SHISA6: variants seen among roughly 807,000 people sequenced by gnomAD.
The protein encoded by SHISA6 is shisa family member 6, also known as protein shisa-6.
A neutral mutation model predicts 47.9 loss-of-function variants in SHISA6; 22 were observed. The ratio of observed to expected loss-of-function variants is 0.46; its 90% CI spans 0.33 to 0.66. The LOEUF (loss-of-function observed/expected upper bound fraction) is 0.66. SHISA6 is among the 30% of genes least tolerant of loss of function. The pLI, the probability that SHISA6 is intolerant of heterozygous loss-of-function variation, is 0.02. For missense variants in SHISA6, 680 were observed against 764.6 expected (o/e 0.89, Z 1.30); for synonymous variants, 388 against 337.8 (o/e 1.15, Z -1.63).
Position 11,533,223 on chromosome 17 carries a change from T to G in SHISA6, c.896-18673T>G, listed in dbSNP as rs558449007. On this transcript the variant is annotated intron_variant, in intron 3 of 5. Coordinates refer to ENST00000441885, the MANE Select transcript of SHISA6 (RefSeq NM_207386.4). ...ATGGAGACCTCAGAGCTGATTCAGC[T>G]GCCGTTACCTCCCACTTGCATTTCT... 5.9e-5 allele frequency among the ~76,000 whole-genome samples: 9 copies of G among 152,322 alleles called. No homozygotes were observed. In the East Asian group the frequency reaches 1.2e-3, roughly 20 times the overall value.
At chr17:11,481,336 ATGTGTGTGTGTGTG>A (rs3038693) in intron 3 of SHISA6, among the ~76,000 whole-genome samples, 5 of 141,500 alleles carry the variant, frequency 3.5e-5, no homozygotes, top group African/African-American at 5.4e-5. Flanking sequence ...AAAAATATAT[ATGTGTGTGTGTGTG>A]TGTGTGTGTG....
intron 3 of SHISA6, among the ~76,000 whole-genome samples, chr17:11,501,148 T>C (rs2142346948): frequency 6.6e-6 from 1 of 152,092 alleles, no homozygotes; most frequent in African/African-American, 2.4e-5. Flanking sequence ...GTTTTGCTCT[T>C]GTTGCCGAGG....
At position 11,263,363 on chromosome 17, in the gene SHISA6, T is replaced by C; in HGVS notation, c.639-3T>C. Reference sequence around the variant, plus strand: ...CTCATTATGTGATCTCCTCCTTGTTTAGGGCTCTGGCTGACATCTTAAGAC... The same window carrying C: ...CTCATTATGTGATCTCCTCCTTGTTCAGGGCTCTGGCTGACATCTTAAGAC... On this transcript the variant is annotated splice_polypyrimidine_tract_variant and splice_region_variant and intron_variant, in intron 1 of 5. Coordinates refer to ENST00000441885, the MANE Select transcript of SHISA6 (RefSeq NM_207386.4). The C allele has an allele frequency of 6.4e-7, 1 of 1,552,078 alleles. No homozygotes were observed. The highest frequency in any genetic ancestry group is 8.7e-7 in the Non-Finnish European group (1 of 1,147,058).
chr17:11,279,205 A>T (rs1048350852), intron 2 of SHISA6, among the ~76,000 whole-genome samples: 1 of 152,196 alleles, frequency 6.6e-6, no homozygotes, highest in African/African-American at 2.4e-5. Context: ...GCTCCAGGGC[A>T]ACCAGAGAAG....
intron 3 of SHISA6, among the ~76,000 whole-genome samples, chr17:11,502,408 CAAAAAAAAAA>C (rs33980148): frequency 3.8e-4 from 13 of 34,070 alleles, no homozygotes; most frequent in South Asian, 2.4e-3. Context: ...GACTCCGTCT[CAAAAAAAAAA>C]AAAAAAAAAA....
At chr17:11,265,063 A>G (rs1302932458) in intron 2 of SHISA6, among the ~76,000 whole-genome samples, 1 of 152,166 alleles carries the variant, frequency 6.6e-6, no homozygotes, top group African/African-American at 2.4e-5. Context: ...CAATAGAAGG[A>G]ATCTTGGCAA....
At chr17:11,257,368 T>TA (rs1908051930) in intron 1 of SHISA6, among the ~76,000 whole-genome samples, 1 of 152,088 alleles carries the variant, frequency 6.6e-6, no homozygotes, top group Non-Finnish European at 1.5e-5. Context: ...CATTATCAAG[T>TA]AAAAGCACAG....
At chr17:11,429,005 C>T (rs1327340562) in intron 3 of SHISA6, among the ~76,000 whole-genome samples, 1 of 152,020 alleles carries the variant, frequency 6.6e-6, no homozygotes, top group Non-Finnish European at 1.5e-5. Flanking sequence ...AGGATGGTCT[C>T]ATCTGGATCT....
At chr17:11,389,094 G>A (rs779961432) in intron 3 of SHISA6, among the ~76,000 whole-genome samples, 9 of 151,952 alleles carry the variant, frequency 5.9e-5, no homozygotes, top group Non-Finnish European at 1.2e-4. Flanking sequence ...GAGCAGGAGA[G>A]CACTAAGCAC....
chr17:11,246,353 G>C (rs1398164027), intron 1 of SHISA6, among the ~76,000 whole-genome samples: 1 of 152,174 alleles, frequency 6.6e-6, no homozygotes, highest in Non-Finnish European at 1.5e-5. Flanking sequence ...AGCCGGGTGT[G>C]GTGGCATGCG....
chr17:11,281,912 G>T (rs1209563625), intron 2 of SHISA6, among the ~76,000 whole-genome samples: 2 of 152,180 alleles, frequency 1.3e-5, no homozygotes, highest in East Asian at 3.8e-4. Context: ...CTCACACAAA[G>T]CAAGAGTGAC....
At chr17:11,469,938 T>C (rs2142320897) in intron 3 of SHISA6, among the ~76,000 whole-genome samples, 1 of 152,180 alleles carries the variant, frequency 6.6e-6, no homozygotes, top group African/African-American at 2.4e-5. Context: ...TTGAATGAGG[T>C]CATAAGAATG....
intron 3 of SHISA6, among the ~76,000 whole-genome samples, chr17:11,423,255 A>ATATT (rs1555534323): frequency 6.9e-6 from 1 of 144,012 alleles, no homozygotes; most frequent in African/African-American, 2.6e-5. Flanking sequence ...ATATATATAT[A>ATATT]ATATATATAT....
chr17:11,241,901 CGCCGGG>C lies in SHISA6; in HGVS notation c.483_488del (p.Gly162_Pro163del). 6.4e-7 allele frequency: 1 copy of C among 1,551,090 alleles called. No individual in the cohort carries two copies. The highest frequency in any genetic ancestry group is 8.7e-7 in the Non-Finnish European group (1 of 1,147,026). On this transcript the variant is annotated inframe_deletion, in exon 1 of 6. Transcript: ENST00000441885. This position sits in a 1 kb window ranked among gnomAD's most constrained non-coding sequence, Gnocchi z 5.5. ...CAGACGCCCAGCACCAAGGTGGTGT[CGCCGGG>C]GCCCGAGAACAAGTACGACCCGGAG... is the stretch of plus-strand genomic sequence containing the variant.
chr17:11,355,591 A>G (rs1330854067), intron 2 of SHISA6, among the ~76,000 whole-genome samples: 1 of 152,226 alleles, frequency 6.6e-6, no homozygotes, highest in Admixed American at 6.5e-5. Flanking sequence ...CCATGGCAGA[A>G]CAAAACAACT....
At chr17:11,262,844 G>A (rs978269066) in intron 1 of SHISA6, among the ~76,000 whole-genome samples, 4 of 152,126 alleles carry the variant, frequency 2.6e-5, no homozygotes, top group African/African-American at 9.7e-5. Flanking sequence ...TCATCTCTAT[G>A]TCCTGTCTTT....
chr17:11,452,006 C>G (rs1915413747), intron 3 of SHISA6, among the ~76,000 whole-genome samples: 1 of 152,222 alleles, frequency 6.6e-6, no homozygotes, highest in Non-Finnish European at 1.5e-5. Context: ...CAAGGTCCTG[C>G]TCATCCACTG....
chr17:11,471,210 GAAAAA>G (rs10699970), intron 3 of SHISA6, among the ~76,000 whole-genome samples: 1 of 97,790 alleles, frequency 1.0e-5, no homozygotes, highest in African/African-American at 3.7e-5. Context: ...CTCCATCTCA[GAAAAA>G]AAAAAAAAAA....
At chr17:11,270,093 A>T (rs1908581750) in intron 2 of SHISA6, among the ~76,000 whole-genome samples, 1 of 152,118 alleles carries the variant, frequency 6.6e-6, no homozygotes, top group Non-Finnish European at 1.5e-5. Flanking sequence ...CTCCTGCCTC[A>T]GTCTCCTGAG....
Sources: allele counts gnomAD v4.1 joint callset (sites outside exome capture counted in the v4.1 genomes callset), GRCh38; gene constraint gnomAD v4.1.1; non-coding constraint Gnocchi (gnomAD v3.1); transcripts MANE v1.5; gene names NCBI Gene and HGNC (gene_info 2026-07-23, HGNC 2026-07-21).